The following RNF10 variants were observed in gnomAD, a reference collection of about 807,000 sequenced individuals.
RNF10 encodes ring finger protein 10.
RNF10 carries 38 observed loss-of-function variants against 91.4 expected under a neutral mutation model. The observed-to-expected ratio is 0.42, with a 90% CI of 0.32 to 0.54. The LOEUF (loss-of-function observed/expected upper bound fraction) is 0.54, where lower values mean the gene tolerates loss of function less well. RNF10 is among the 20% of genes least tolerant of loss of function. RNF10 has a pLI of 0.16. For synonymous variants in RNF10, 364 were observed against 366.3 expected (o/e 0.99, Z 0.07); for missense variants, 945 against 1,012.0 (o/e 0.93, Z 0.90).
chr12:120,573,096 C>T lies in RNF10; in HGVS notation c.2142+1805C>T, dbSNP rs536225102. Among the ~76,000 whole-genome samples the T allele has an allele frequency of 2.6e-5, 4 of 152,168 alleles. No individual in the cohort carries two copies. In the South Asian group the frequency reaches 8.3e-4, roughly 32 times the overall value. On this transcript the variant is annotated intron_variant, in intron 14 of 16. Transcript: ENST00000325954. ...TGTGTTGAAAAGAAGTTGCAGATAT[C>T]CTGAATGATACTTTACCGCTAAGTA...
chr12:120,535,996 T>C (rs892734754), intron 1 of RNF10, among the ~76,000 whole-genome samples: 3 of 152,216 alleles, frequency 2.0e-5, no homozygotes, highest in Admixed American at 2.0e-4. Context: ...CTGCTCTCTT[T>C]TGTATTTCAG....
chr12:120,540,698 A>G (rs1377388638), intron 1 of RNF10, among the ~76,000 whole-genome samples: 1 of 152,156 alleles, frequency 6.6e-6, no homozygotes, highest in Non-Finnish European at 1.5e-5. Context: ...TAAAATCACT[A>G]ATCATGATGT....
At chr12:120,569,249 C>A (rs1340316181) in intron 13 of RNF10, among the ~76,000 whole-genome samples, 1 of 152,196 alleles carries the variant, frequency 6.6e-6, no homozygotes, top group African/African-American at 2.4e-5. Flanking sequence ...CCTTGGCCTC[C>A]CAAAGTCCTG....
chr12:120,571,134 G>T, intron 13 of RNF10, 57 bp from the exon 14 acceptor site: 2 of 1,196,152 alleles, frequency 1.7e-6, no homozygotes, highest in Non-Finnish European at 2.5e-6. Flanking sequence ...CATCTCTCTT[G>T]TTAAGGACAC....
intron 1 of RNF10, among the ~76,000 whole-genome samples, chr12:120,537,521 G>A (rs1008138080): frequency 1.3e-5 from 2 of 151,966 alleles, no homozygotes; most frequent in East Asian, 1.9e-4. Flanking sequence ...CCAGCTACTC[G>A]GGGGGCTGAG....
At chr12:120,576,562 T>G in intron 16 of RNF10, 28 bp from the exon 17 acceptor site, 1 of 1,609,178 alleles carries the variant, frequency 6.2e-7, no homozygotes, top group Non-Finnish European at 8.5e-7. Flanking sequence ...CATTTTAAGT[T>G]AAGCTGTCTT....
At chr12:120,556,914 A>T (rs1874112607) in intron 4 of RNF10, among the ~76,000 whole-genome samples, 1 of 151,914 alleles carries the variant, frequency 6.6e-6, no homozygotes, top group Non-Finnish European at 1.5e-5. Context: ...GGACTTTGGG[A>T]GGCCGAGGCG....
At chr12:120,557,218 A>G (rs1874179950) in intron 4 of RNF10, 64 bp from the exon 5 acceptor site, 1 of 1,516,642 alleles carries the variant, frequency 6.6e-7, no homozygotes, top group African/African-American at 1.4e-5. Context: ...AGAGAGGCCT[A>G]AAACTTTGAC....
At chr12:120,574,615 G>A (rs1877126596) in intron 14 of RNF10, 1 of 447,078 alleles carries the variant, frequency 2.2e-6, no homozygotes, top group South Asian at 1.6e-5. Context: ...AAGTTTAGTA[G>A]CCATGTGGTT....
At chr12:120,550,547 G>T (rs995209001) in intron 2 of RNF10, among the ~76,000 whole-genome samples, 5 of 152,000 alleles carry the variant, frequency 3.3e-5, no homozygotes, top group Non-Finnish European at 7.4e-5. Flanking sequence ...TGGGCTTCCT[G>T]TGTTGCACAA....
intron 13 of RNF10, among the ~76,000 whole-genome samples, chr12:120,569,603 A>G (rs909439588): frequency 7.3e-6 from 1 of 136,758 alleles, no homozygotes; most frequent in Non-Finnish European, 1.5e-5. Flanking sequence ...ACAAGGCACA[A>G]TCTCGGCTCA....
chr12:120,536,623 C>T (rs1307824575), intron 1 of RNF10, among the ~76,000 whole-genome samples: 1 of 152,114 alleles, frequency 6.6e-6, no homozygotes, highest in Non-Finnish European at 1.5e-5. Context: ...TCTGCACATG[C>T]GTAGCTTTGC....
In RNF10 at chr12:120,546,463, C is replaced by T. The variant is rs144374907; in HGVS notation, c.216C>T (p.Pro72=). ...RYNRKRELSY[P]KNESFNNQSR... ...ATCGCAAACGTGAACTTTCCTACCCCAAAAATGAAAGTTTTAACAACCAGT... is the reference window on the plus strand; with the variant it reads ...ATCGCAAACGTGAACTTTCCTACCCTAAAAATGAAAGTTTTAACAACCAGT... The change falls in exon 2 of 17, where the codon CCC becomes CCT. Residue 72 remains proline, a synonymous_variant. Transcript: ENST00000325954. 157 of 1,614,048 alleles carry T rather than the reference C, an allele frequency of 9.7e-5. 1 individual carries two copies. The highest frequency in any genetic ancestry group is 3.3e-4 in the Middle Eastern group (2 of 6,062).
Position 120,554,757 on chromosome 12 carries a change from T to C in RNF10, c.594T>C (p.Ala198=). ...FVVSEDQDYT[A]HFADPDTLVN... ...TGTCTGAAGACCAAGACTACACAGCTCATTTTGCTGATCCTGATACATTAG... is the reference window on the plus strand; with the variant it reads ...TGTCTGAAGACCAAGACTACACAGCCCATTTTGCTGATCCTGATACATTAG... Residue 198 remains alanine (A), a synonymous_variant, in exon 4 of 17, where the codon GCT becomes GCC. Transcript: ENST00000325954. The C allele has an allele frequency of 6.2e-7, 1 of 1,614,204 alleles. No individual in the cohort carries two copies. Among genetic ancestry groups the C allele is most frequent in the Non-Finnish European group, 8.5e-7 (1 of 1,180,008 alleles).
At chr12:120,570,600 G>A (rs1035850353) in intron 13 of RNF10, among the ~76,000 whole-genome samples, 10 of 152,136 alleles carry the variant, frequency 6.6e-5, no homozygotes, top group Non-Finnish European at 1.3e-4. Context: ...GGCCCCTCTC[G>A]TCCAACACTG....
intron 14 of RNF10, among the ~76,000 whole-genome samples, chr12:120,572,073 T>TG (rs1876714622): frequency 6.6e-6 from 1 of 151,534 alleles, no homozygotes; most frequent in African/African-American, 2.4e-5. Context: ...TTTTTTTTTT[T>TG]TTTCCTCTTC....
chr12:120,575,555 TA>T, intron 14 of RNF10, 75 bp from the exon 15 acceptor site: 1 of 1,501,874 alleles, frequency 6.7e-7, no homozygotes, highest in South Asian at 1.1e-5. Context: ...CCTCTCCAGT[TA>T]GTCAAGGTAG....
intron 1 of RNF10, chr12:120,539,549 C>T (rs1055058189): frequency 1.8e-6 from 1 of 560,880 alleles, no homozygotes; most frequent in Non-Finnish European, 3.1e-6. Context: ...GGCCGAGCCA[C>T]CTGTTAGAAC....
chr12:120,568,283 T>C (rs191128506), intron 13 of RNF10, among the ~76,000 whole-genome samples: 2 of 152,064 alleles, frequency 1.3e-5, no homozygotes. Context: ...GTGTTCCAAA[T>C]TGGTAGTAGT....
Sources: gnomAD v4.1 joint callset for allele counts (sites outside exome capture counted in the v4.1 genomes callset) on GRCh38, gnomAD v4.1.1 for gene constraint, MANE v1.5 for transcripts, NCBI Gene and HGNC (gene_info 2026-07-23, HGNC 2026-07-21) for gene names.